Variants in FAP observed in about 807,000 individuals in gnomAD.
FAP encodes the protein prolyl endopeptidase FAP.
A neutral mutation model predicts 126.5 loss-of-function variants in FAP; 110 were observed. The ratio of observed to expected loss-of-function variants is 0.87; its 90% confidence interval spans 0.74 to 1.02. The LOEUF (loss-of-function observed/expected upper bound fraction) is 1.02. Among genes scored for constraint, FAP ranks in the 50% least tolerant of loss-of-function variants. The pLI is 0.00. For missense variants in FAP, 919 were observed against 909.2 expected (o/e 1.01, Z -0.14); for synonymous variants, 334 against 297.3 (o/e 1.12, Z -1.27).
intron 19 of FAP, 102 bp downstream of exon 19, chr2:162,189,001 G>C: frequency 3.4e-6 from 2 of 596,412 alleles, no homozygotes; most frequent in Non-Finnish European, 5.9e-6. Flanking sequence ...GCATCAATAG[G>C]CACTGTTACC....
At chr2:162,215,333 CA>C (rs1454777616) in intron 10 of FAP, among the ~76,000 whole-genome samples, 2 of 152,194 alleles carry the variant, frequency 1.3e-5, no homozygotes, top group African/African-American at 4.8e-5. Context: ...AGAAAGACCA[CA>C]GAGGACTGAC....
At chr2:162,218,775 A>G (rs1689264229) in intron 8 of FAP, among the ~76,000 whole-genome samples, 1 of 152,080 alleles carries the variant, frequency 6.6e-6, no homozygotes, top group Admixed American at 6.5e-5. Flanking sequence ...AAAAGTAAAC[A>G]TGAGAAAATG....
rs549320052 is a variant in FAP, at chr2:162,171,788, T to A, written c.2182-708A>T. 7.3e-5 allele frequency: 11 copies of A among 150,706 alleles called. No individual in the cohort carries two copies. In the South Asian group the frequency reaches 2.3e-3, roughly 31 times the overall value. 9.3% of individuals were successfully genotyped at this position (150,706 alleles called of 1,614,324 possible). A position where few individuals can be genotyped will look rare whatever the true frequency, so the allele number is the denominator to read the frequency against. ...CCCTCTTTGTATATTTTTAAAAATT[T>A]GATATATAATAGTTGTGTATCTTTT... On this transcript the variant is annotated intron_variant, in intron 25 of 25. Transcript: ENST00000188790.
intron 2 of FAP, among the ~76,000 whole-genome samples, chr2:162,236,237 C>A (rs1459558644): frequency 6.6e-6 from 1 of 152,062 alleles, no homozygotes; most frequent in Non-Finnish European, 1.5e-5. Flanking sequence ...CATCCATATT[C>A]ATAAGAGATA....
intron 16 of FAP, chr2:162,197,654 G>A (rs1211082683): frequency 8.8e-6 from 4 of 456,418 alleles, no homozygotes; most frequent in East Asian, 7.0e-5. Context: ...CTCAGGTTCC[G>A]GGGCCAGGTG....
At chr2:162,234,561 T>A (rs888424865) in intron 2 of FAP, among the ~76,000 whole-genome samples, 1 of 152,196 alleles carries the variant, frequency 6.6e-6, no homozygotes, top group Non-Finnish European at 1.5e-5. Context: ...ATCTGGATAC[T>A]TTATATATTT....
intron 2 of FAP, among the ~76,000 whole-genome samples, chr2:162,231,619 G>A (rs1238698141): frequency 6.6e-6 from 1 of 152,116 alleles, no homozygotes. Context: ...GCTTATTAAA[G>A]CAAAGCTGAA....
At chr2:162,213,912 G>A (rs745648959) in intron 11 of FAP, 26 bp downstream of exon 11, 78 of 1,603,310 alleles carry the variant, frequency 4.9e-5, no homozygotes, top group Non-Finnish European at 5.8e-5. Context: ...TCAGAAATAC[G>A]TATCTGTGAT....
intron 17 of FAP, chr2:162,194,088 T>C (rs1688149174): frequency 6.6e-6 from 1 of 152,170 alleles, no homozygotes. Flanking sequence ...ATATCACAAA[T>C]ACAGGATAGA....
chr2:162,189,886 A>G (rs1687979735), intron 17 of FAP, 132 bp from the exon 18 acceptor site: 1 of 590,582 alleles, frequency 1.7e-6, no homozygotes, highest in Non-Finnish European at 3.0e-6. Context: ...GAAGTTTCAT[A>G]TTGACAAATG....
In FAP at chr2:162,203,165, G is replaced by T; in HGVS notation, c.1048-20C>A. 3 of 1,537,872 alleles carry T rather than the reference G, an allele frequency of 2.0e-6. No homozygotes were observed. The highest frequency in any genetic ancestry group is 2.3e-5 in the South Asian group (2 of 87,942). ...AAAGAACTGAAAAAAATTAGCAGAGGTTATGTTCAAAAGACAAACCAAACT... is the reference window on the plus strand; with the variant it reads ...AAAGAACTGAAAAAAATTAGCAGAGTTTATGTTCAAAAGACAAACCAAACT... On this transcript the variant is annotated intron_variant, in intron 12 of 25. Coordinates refer to ENST00000188790, the MANE Select transcript of FAP (RefSeq NM_004460.5).
intron 1 of FAP, 159 bp downstream of exon 1, chr2:162,243,163 G>GT: frequency 2.5e-6 from 2 of 789,184 alleles, no homozygotes; most frequent in Non-Finnish European, 4.2e-6. Context: ...AAGGACAAAT[G>GT]TTTCTACAGT....
At chr2:162,183,767 T>C (rs1687771412) in intron 20 of FAP, among the ~76,000 whole-genome samples, 1 of 152,122 alleles carries the variant, frequency 6.6e-6, no homozygotes, top group South Asian at 2.1e-4. Context: ...GGCCAAAAGA[T>C]GGGTTCATAG....
Position 162,188,291 on chromosome 2 carries a change from C to T in FAP, c.1692G>A (p.Lys564=). 6.2e-7 allele frequency: 1 copy of T among 1,613,334 alleles called. No homozygotes were observed. Residue 564 remains lysine (K), a synonymous_variant, in exon 20 of 26, where the codon AAG becomes AAA. Coordinates refer to ENST00000188790, the MANE Select transcript of FAP (RefSeq NM_004460.5). ...CCACCAAGGCAATGACCATCCCTTC[C>T]TTACTTGCAAGATAAGATATCCAAT... ...AVNWISYLAS[K]EGMVIALVDG...
At chr2:162,214,132 T>C in intron 10 of FAP, 59 bp from the exon 11 acceptor site, 10 of 1,559,778 alleles carry the variant, frequency 6.4e-6, no homozygotes, top group Non-Finnish European at 8.7e-6. Context: ...ACACAAATAA[T>C]TTCTTAATTT....
intron 2 of FAP, among the ~76,000 whole-genome samples, chr2:162,232,705 G>A (rs143047146): frequency 1.3e-5 from 2 of 152,144 alleles, no homozygotes; most frequent in East Asian, 1.9e-4. Context: ...AGGATTTGCC[G>A]GGCTTTTAAA....
chr2:162,216,480 G>C (rs548220644), intron 9 of FAP, among the ~76,000 whole-genome samples: 1 of 152,290 alleles, frequency 6.6e-6, no homozygotes, highest in African/African-American at 2.4e-5. Flanking sequence ...CAAATGCTCA[G>C]TCTCCTACCT....
chr2:162,221,163 C>A (rs1014006957), intron 6 of FAP, among the ~76,000 whole-genome samples: 1 of 152,080 alleles, frequency 6.6e-6, no homozygotes, highest in African/African-American at 2.4e-5. Context: ...CAATGAGAGT[C>A]CTGGCCGCCA....
At chr2:162,218,743 G>GAAA (rs1407677030) in intron 8 of FAP, among the ~76,000 whole-genome samples, 1 of 146,910 alleles carries the variant, frequency 6.8e-6, no homozygotes, top group African/African-American at 2.5e-5. Context: ...GTTTAGTTTT[G>GAAA]AAAAAAAAAA....
Sources: allele counts gnomAD v4.1 joint callset (sites outside exome capture counted in the v4.1 genomes callset), GRCh38; gene constraint gnomAD v4.1.1; transcripts MANE v1.5; gene names NCBI Gene and HGNC (gene_info 2026-07-23, HGNC 2026-07-21).